FHIT: variants seen among roughly 807,000 people sequenced by gnomAD.
FHIT encodes the protein fragile histidine triad diadenosine triphosphatase.
FHIT carries 19 observed loss-of-function variants against 17.9 expected under a neutral mutation model. The ratio of observed to expected loss-of-function variants is 1.06; its 90% CI spans 0.74 to 1.56. The LOEUF is 1.56. FHIT is among the 40% of genes most tolerant of loss of function. The probability of loss-of-function intolerance (pLI) is 0.00; values close to 1 mark genes in which losing one functional copy is unlikely to be tolerated. For synonymous variants in FHIT, 81 were observed against 69.7 expected, an observed-to-expected ratio of 1.16 and a Z score of -0.81; for missense variants, 248 against 189.2, an observed-to-expected ratio of 1.31 and a Z score of -1.82.
intron 7 of FHIT, among the ~76,000 whole-genome samples, chr3:59,966,174 A>G (rs201206733): frequency 6.6e-6 from 1 of 152,318 alleles, no homozygotes; most frequent in East Asian, 1.9e-4. Context: ...TCAAACAAAT[A>G]AGACTCTTAG....
chr3:60,341,910 C>T lies in FHIT; in HGVS notation c.103+194950G>A, dbSNP rs139124553. On this transcript the variant is annotated intron_variant, in intron 5 of 9. Transcript: ENST00000492590. ...ATTTTGTTCCTTAGTTCAGCCAAAACGAGGTTCTTGTCACATGACCAGCGA... is the reference window on the plus strand; with the variant it reads ...ATTTTGTTCCTTAGTTCAGCCAAAATGAGGTTCTTGTCACATGACCAGCGA... Among the ~76,000 whole-genome samples, 99 of 152,170 alleles carry T rather than the reference C, an allele frequency of 6.5e-4. 1 individual carries two copies. The highest frequency in any genetic ancestry group is 2.2e-3 in the African/African-American group (92 of 41,496).
intron 4 of FHIT, among the ~76,000 whole-genome samples, chr3:60,556,920 A>C (rs1021927282): frequency 1.3e-5 from 2 of 152,208 alleles, no homozygotes. Flanking sequence ...TCATTTCTGA[A>C]AACAGGACTT....
chr3:61,108,979 C>G (rs2036074296), intron 2 of FHIT, among the ~76,000 whole-genome samples: 1 of 152,192 alleles, frequency 6.6e-6, no homozygotes, highest in African/African-American at 2.4e-5. Context: ...TATGTGCCAT[C>G]ATAGAGTGCA....
chr3:60,312,376 A>T (rs1297603895), intron 5 of FHIT, among the ~76,000 whole-genome samples: 1 of 152,114 alleles, frequency 6.6e-6, no homozygotes, highest in African/African-American at 2.4e-5. Context: ...TCCTGAGCAC[A>T]AGTGATCCTC....
chr3:60,761,665 C>A (rs1015777879), intron 4 of FHIT, among the ~76,000 whole-genome samples: 1 of 147,020 alleles, frequency 6.8e-6, no homozygotes, highest in Non-Finnish European at 1.5e-5. Flanking sequence ...AAGACCAATG[C>A]TACAGATGTC....
chr3:60,070,328 A>G (rs17062066), intron 5 of FHIT, among the ~76,000 whole-genome samples: 1,648 of 152,344 alleles, frequency 0.011, 45 homozygotes, highest in South Asian at 0.07. Flanking sequence ...GGCTTCTGAC[A>G]GTGCCTGATA....
chr3:59,841,226 G>T (rs1023664252), intron 8 of FHIT, among the ~76,000 whole-genome samples: 2 of 152,100 alleles, frequency 1.3e-5, no homozygotes, highest in South Asian at 2.1e-4. Flanking sequence ...ACTAGATCTA[G>T]GTATGTGTGT....
At chr3:60,501,715 A>G (rs2034533351) in intron 5 of FHIT, among the ~76,000 whole-genome samples, 1 of 152,218 alleles carries the variant, frequency 6.6e-6, no homozygotes, top group South Asian at 2.1e-4. Flanking sequence ...TTAGATCAAG[A>G]GATCATATAT....
intron 4 of FHIT, among the ~76,000 whole-genome samples, chr3:60,626,310 A>G (rs577524783): frequency 6.6e-6 from 1 of 152,320 alleles, no homozygotes. Context: ...GGCACTCAAC[A>G]ATTTTTGGCA....
At chr3:60,899,632 T>C (rs1706003607) in intron 3 of FHIT, among the ~76,000 whole-genome samples, 1 of 152,150 alleles carries the variant, frequency 6.6e-6, no homozygotes, top group Non-Finnish European at 1.5e-5. Flanking sequence ...TCCAACAGTG[T>C]GCCAGAGACT....
intron 8 of FHIT, among the ~76,000 whole-genome samples, chr3:59,917,356 T>A (rs1044511128): frequency 3.2e-4 from 49 of 152,236 alleles, no homozygotes; most frequent in African/African-American, 1.1e-3. Context: ...AAGCATTTGA[T>A]GAATTGTCCA....
chr3:60,292,667 G>A (rs150258237), intron 5 of FHIT, among the ~76,000 whole-genome samples: 1,963 of 152,118 alleles, frequency 0.013, 20 homozygotes, highest in Middle Eastern at 0.024. Context: ...CCATACCCAA[G>A]CAATTATAGA....
intron 3 of FHIT, among the ~76,000 whole-genome samples, chr3:60,857,600 T>C (rs1422184679): frequency 6.6e-6 from 1 of 152,228 alleles, no homozygotes; most frequent in Non-Finnish European, 1.5e-5. Context: ...TAAAGAGTTC[T>C]TTATTGTTCT....
At chr3:60,964,508 G>A (rs142730386) in intron 3 of FHIT, among the ~76,000 whole-genome samples, 78 of 152,202 alleles carry the variant, frequency 5.1e-4, no homozygotes, top group African/African-American at 1.9e-3. Context: ...CCATTAGTTG[G>A]TGCAGTTTCT....
At chr3:60,215,114 G>C (rs908421552) in intron 5 of FHIT, among the ~76,000 whole-genome samples, 7 of 151,912 alleles carry the variant, frequency 4.6e-5, no homozygotes, top group African/African-American at 1.7e-4. Flanking sequence ...CCAAGCTTCA[G>C]CGACACTCAG....
intron 5 of FHIT, among the ~76,000 whole-genome samples, chr3:60,164,883 T>C (rs557684649): frequency 1.3e-5 from 2 of 152,306 alleles, no homozygotes; most frequent in African/African-American, 4.8e-5. Flanking sequence ...TTCTTCCCTA[T>C]GGCTCTGTCC....
intron 4 of FHIT, chr3:60,690,381 G>GC: frequency 1.7e-6 from 1 of 576,618 alleles, no homozygotes. Context: ...CAGGGCACAT[G>GC]AAAAACTGGG....
At chr3:59,981,112 G>A (rs776737438) in intron 7 of FHIT, among the ~76,000 whole-genome samples, 4 of 152,052 alleles carry the variant, frequency 2.6e-5, no homozygotes, top group Non-Finnish European at 5.9e-5. Context: ...GGTCCATGGA[G>A]AAATAAGTTT....
chr3:59,949,852 GGAA>G (rs1707025683), intron 7 of FHIT, among the ~76,000 whole-genome samples: 4 of 152,168 alleles, frequency 2.6e-5, no homozygotes, highest in African/African-American at 9.7e-5. Context: ...TTGCTGATGG[GGAA>G]CGCAGGGTAT....
Sources: gnomAD v4.1 joint callset for allele counts (sites outside exome capture counted in the v4.1 genomes callset) on GRCh38, gnomAD v4.1.1 for gene constraint, MANE v1.5 for transcripts, NCBI Gene and HGNC (gene_info 2026-07-23, HGNC 2026-07-21) for gene names.